Variants in TCOF1 observed in about 807,000 individuals in gnomAD.
TCOF1 encodes treacle protein.
TCOF1 carries 33 observed loss-of-function variants against 149.0 expected under a neutral mutation model. The ratio of observed to expected loss-of-function variants is 0.22; its 90% CI spans 0.17 to 0.30. The LOEUF (loss-of-function observed/expected upper bound fraction) is 0.30. TCOF1 is among the 10% of genes least tolerant of loss of function. The probability of loss-of-function intolerance (pLI) is 1.00; values close to 1 mark genes in which losing one functional copy is unlikely to be tolerated. For synonymous variants in TCOF1, 789 were observed against 738.8 expected, an observed-to-expected ratio of 1.07 and a Z score of -1.10; for missense variants, 1,728 against 1,840.7, an observed-to-expected ratio of 0.94 and a Z score of 1.12.
intron 17 of TCOF1, chr5:150,384,474 T>A (rs1765863502): frequency 1.0e-6 from 1 of 985,310 alleles, no homozygotes; most frequent in Admixed American, 6.1e-5. Flanking sequence ...GCCCCGACAC[T>A]CTCCTCTCCT....
At chr5:150,368,049 C>T in intron 4 of TCOF1, 132 bp downstream of exon 4, 1 of 966,200 alleles carries the variant, frequency 1.0e-6, no homozygotes, top group East Asian at 2.6e-5. Context: ...ACCTGTGTCA[C>T]CAGTTGTGGG....
chr5:150,384,414 C>T, intron 17 of TCOF1: 1 of 985,340 alleles, frequency 1.0e-6, no homozygotes, highest in Non-Finnish European at 1.2e-6. Context: ...AGTGGACAGA[C>T]CTGGTGTTTG....
In TCOF1 at chr5:150,392,802, G is replaced by A. The variant is rs202050560; in HGVS notation, c.3603+12G>A. 5.0e-6 allele frequency: 8 copies of A among 1,613,422 alleles called. No individual in the cohort carries two copies. Among genetic ancestry groups the A allele is most frequent in the Non-Finnish European group, 5.9e-6 (7 of 1,179,738 alleles). On this transcript the variant is annotated intron_variant, in intron 22 of 26. Transcript: ENST00000643257. ...TGGCGCCATCCCAGGTAACTGCAAGGGAGAGGACTGGCAGCCCATAGGCCT... is the reference window on the plus strand; with the variant it reads ...TGGCGCCATCCCAGGTAACTGCAAGAGAGAGGACTGGCAGCCCATAGGCCT...
intron 2 of TCOF1, 37 bp downstream of exon 2, chr5:150,361,248 A>G: frequency 6.2e-7 from 1 of 1,611,652 alleles, no homozygotes; most frequent in Non-Finnish European, 8.5e-7. Context: ...GTAGGGACGG[A>G]CACCCCAAGC....
intron 3 of TCOF1, among the ~76,000 whole-genome samples, chr5:150,365,559 A>T (rs1341329418): frequency 6.6e-6 from 1 of 152,124 alleles, no homozygotes; most frequent in Non-Finnish European, 1.5e-5. Context: ...CTCTATATTC[A>T]TTCAAACATG....
At chr5:150,368,424 A>G in intron 4 of TCOF1, 1 of 464,768 alleles carries the variant, frequency 2.2e-6, no homozygotes. Flanking sequence ...AGCATTAGCA[A>G]CAATGTCTCA....
In TCOF1 at chr5:150,361,218, G is replaced by A; in HGVS notation, c.164+7G>A. On this transcript the variant is annotated splice_region_variant and intron_variant, in intron 2 of 26. Transcript: ENST00000643257. ...TCTATACACACTGGCAACAGTAAGT[G>A]GTGGGGCCTATAGGGTGGAGTAGGG... 6.2e-7 allele frequency: 1 copy of A among 1,614,118 alleles called. No homozygotes were observed. Among genetic ancestry groups the A allele is most frequent in the Non-Finnish European group, 8.5e-7 (1 of 1,179,986 alleles).
Position 150,393,518 on chromosome 5 carries a change from C to G in TCOF1, c.3750C>G (p.Pro1250=), listed in dbSNP as rs1171799911. The change falls in exon 23 of 27, where the codon CCC becomes CCG. Residue 1250 remains proline, a synonymous_variant. Transcript: ENST00000643257. ...DDPDGKQEAK[P]QQAAGMLSPK... ...CAGATGGCAAGCAGGAGGCAAAGCC[C>G]CAACAGGCAGCAGGCATGTTGTCCC... The G allele has an allele frequency of 3.7e-6, 6 of 1,614,034 alleles. No homozygotes were observed. Among genetic ancestry groups the G allele is most frequent in the Admixed American group, 3.3e-5 (2 of 60,002 alleles).
In TCOF1 at chr5:150,398,559, C is replaced by A. The variant is rs111365835; in HGVS notation, c.4443+108C>A. 15,479 of 1,554,122 alleles carry A rather than the reference C, an allele frequency of 1.0e-2. 148 individuals carry two copies. Among genetic ancestry groups the A allele is most frequent in the Middle Eastern group, 0.018 (106 of 5,884 alleles). On this transcript the variant is annotated intron_variant, in intron 25 of 26. Transcript: ENST00000643257. ...CCCCTTCCCATTTTCGGGGCCCAGTCGGGGGCGTCAGGGGTTGTGACACAC... is the reference window on the plus strand; with the variant it reads ...CCCCTTCCCATTTTCGGGGCCCAGTAGGGGGCGTCAGGGGTTGTGACACAC...
At chr5:150,378,789 A>G (rs1764374146) in intron 14 of TCOF1, 116 bp from the exon 15 acceptor site, 1 of 1,463,056 alleles carries the variant, frequency 6.8e-7, no homozygotes. Context: ...TCACACGCCT[A>G]TTGCATGGAG....
At chr5:150,370,781 A>C (rs1470092227) in intron 6 of TCOF1, among the ~76,000 whole-genome samples, 1 of 152,212 alleles carries the variant, frequency 6.6e-6, no homozygotes, top group Non-Finnish European at 1.5e-5. Flanking sequence ...AGCCTGAGCA[A>C]CATAGTGAAA....
rs1319407693 is a variant in TCOF1, at chr5:150,367,897, A to G, written c.358A>G (p.Ser120Gly). 1.9e-6 allele frequency: 3 copies of G among 1,614,218 alleles called. No homozygotes were observed. Among genetic ancestry groups the G allele is most frequent in the African/African-American group, 2.7e-5 (2 of 75,054 alleles). ...SSVLGADLPS[S>G]MKEKAKAETE... ...AGTCCTGGGGGCGGACTTGCCATCAAGCATGAAAGAAAAAGCCAAGGTGAG... is the reference window on the plus strand; with the variant it reads ...AGTCCTGGGGGCGGACTTGCCATCAGGCATGAAAGAAAAAGCCAAGGTGAG... The change falls in exon 4 of 27, where the codon AGC becomes GGC. Residue 120 changes from serine (S) to glycine (G), a missense_variant. Ser to Gly is a moderately conservative substitution (Grantham distance 56). Coordinates refer to ENST00000643257, the MANE Select transcript of TCOF1 (RefSeq NM_001371623.1).
intron 1 of TCOF1, 28 bp downstream of exon 1, chr5:150,357,882 G>A (rs752920018): frequency 1.3e-6 from 2 of 1,545,306 alleles, no homozygotes; most frequent in South Asian, 1.2e-5. Flanking sequence ...GTGTGCGAGG[G>A]CCGCGTGCAA....
rs759472780 is a variant in TCOF1, at chr5:150,376,177, C to G, written c.1989C>G (p.Thr663=). The G allele has an allele frequency of 6.2e-7, 1 of 1,614,184 alleles. No homozygotes were observed. The highest frequency in any genetic ancestry group is 8.5e-7 in the Non-Finnish European group (1 of 1,180,014). The change falls in exon 13 of 27, where the codon ACC becomes ACG. Residue 663 remains threonine (T), a synonymous_variant. Transcript: ENST00000643257. The part of the protein sequence containing the change: ...SAKVAPVRVG[T]QAPRKAGTAT... The stretch of plus-strand genomic sequence containing the variant: ...AGGTCGCCCCTGTGCGAGTGGGCAC[C>G]CAAGCCCCCCGGAAAGCAGGAACTG...
rs768185751 is a variant in TCOF1 at position 150,392,089 on chromosome 5, G to C, written c.3430G>C (p.Asp1144His). The C allele has an allele frequency of 1.2e-6, 2 of 1,614,248 alleles. No individual in the cohort carries two copies. Among genetic ancestry groups the C allele is most frequent in the East Asian group, 4.5e-5 (2 of 44,886 alleles). ...QQATKAPESS[D>H]DSEDSSDSSS... is the part of the protein sequence containing the mutation. ...GGCCACCAAAGCCCCTGAGAGCTCAGATGACAGTGAGGACAGCAGCGACAG... is the reference window on the plus strand; with the variant it reads ...GGCCACCAAAGCCCCTGAGAGCTCACATGACAGTGAGGACAGCAGCGACAG... Residue 1144 changes from aspartate (D) to histidine (H), a missense_variant, in exon 21 of 27, where the codon GAT becomes CAT. Coordinates refer to ENST00000643257, the MANE Select transcript of TCOF1 (RefSeq NM_001371623.1).
chr5:150,361,115 T>G, intron 1 of TCOF1, 41 bp from the exon 2 acceptor site: 1 of 1,613,494 alleles, frequency 6.2e-7, no homozygotes. Flanking sequence ...ATCCTTACTG[T>G]GCTGGGGATT....
intron 17 of TCOF1, chr5:150,384,624 C>T: frequency 3.0e-6 from 3 of 985,454 alleles, no homozygotes; most frequent in African/African-American, 1.7e-5. Context: ...AAATGAACAT[C>T]CTGCTTAAAC....
Position 150,368,138 on chromosome 5 carries a change from T to C in TCOF1, c.378+221T>C, listed in dbSNP as rs1045244205. On this transcript the variant is annotated intron_variant, in intron 4 of 26. Transcript: ENST00000643257. ...GATGATGCCTGCTGCAGTGGGCCAC[T>C]GGGCACATTCTACACCTGGGGTAGG... The C allele has an allele frequency of 1.3e-5, 7 of 547,380 alleles. No individual in the cohort carries two copies. In the African/African-American group the frequency reaches 1.3e-4, roughly 10 times the overall value. 33.9% of individuals were successfully genotyped at this position (547,380 alleles called of 1,614,324 possible).
chr5:150,373,212 TTGTGTGTG>T (rs113101162), intron 7 of TCOF1, among the ~76,000 whole-genome samples: 1 of 148,674 alleles, frequency 6.7e-6, no homozygotes, highest in African/African-American at 2.5e-5. Flanking sequence ...CACACCCAGC[TTGTGTGTG>T]TGTGTGTGTG....
Sources: allele counts gnomAD v4.1 joint callset (sites outside exome capture counted in the v4.1 genomes callset), GRCh38; gene constraint gnomAD v4.1.1; transcripts MANE v1.5; gene names NCBI Gene and HGNC (gene_info 2026-07-23, HGNC 2026-07-21).